The following KCNIP4 variants were observed in gnomAD, a reference collection of about 807,000 sequenced individuals.
The protein encoded by KCNIP4 is Kv channel-interacting protein 4.
A neutral mutation model predicts 34.0 loss-of-function variants in KCNIP4; 12 were observed. That is an observed-to-expected ratio of 0.35 (90% CI 0.23 to 0.57). KCNIP4 has a LOEUF of 0.57. Ranked by LOEUF, KCNIP4 falls within the 20% of genes least tolerant of loss-of-function variation. KCNIP4 has a pLI of 0.83. For missense variants in KCNIP4, 238 were observed against 311.7 expected (o/e 0.76, Z 1.78); for synonymous variants, 124 against 102.2 (o/e 1.21, Z -1.29).
chr4:21,875,972 C>T (rs968474141), intron 1 of KCNIP4, among the ~76,000 whole-genome samples: 1 of 152,104 alleles, frequency 6.6e-6, no homozygotes, highest in Non-Finnish European at 1.5e-5. Context: ...AAGGAGACTT[C>T]AGAAAAATCA....
intron 1 of KCNIP4, among the ~76,000 whole-genome samples, chr4:21,390,048 G>A (rs1447874933): frequency 1.3e-4 from 20 of 148,554 alleles, no homozygotes; most frequent in African/African-American, 4.9e-4. Flanking sequence ...TTCTCTGATG[G>A]CCAGTGATGA....
chr4:20,841,334 G>A (rs936781280), intron 3 of KCNIP4, among the ~76,000 whole-genome samples: 5 of 152,156 alleles, frequency 3.3e-5, no homozygotes, highest in Non-Finnish European at 7.4e-5. Context: ...TAAAGAAGGT[G>A]CAGCACCTGC....
At chr4:21,519,564 A>ATGTG (rs1245211490) in intron 1 of KCNIP4, among the ~76,000 whole-genome samples, 258 of 23,492 alleles carry the variant, frequency 0.011, 57 homozygotes, top group African/African-American at 0.036. Context: ...GTGTATGTGT[A>ATGTG]TATATACACA....
intron 1 of KCNIP4, among the ~76,000 whole-genome samples, chr4:21,712,411 A>G (rs1257708290): frequency 6.6e-6 from 1 of 152,102 alleles, no homozygotes. Context: ...GGGGCGAGGA[A>G]CCTCCTTCCC....
chr4:21,211,097 A>T (rs911013541), intron 1 of KCNIP4, among the ~76,000 whole-genome samples: 1 of 152,156 alleles, frequency 6.6e-6, no homozygotes. Context: ...TGGTCATGTG[A>T]TATCTTTTTC....
At chr4:20,916,247 A>G (rs972695868) in intron 1 of KCNIP4, 1 of 834,848 alleles carries the variant, frequency 1.2e-6, no homozygotes, top group Non-Finnish European at 1.4e-6. Flanking sequence ...TTTCTGCCCC[A>G]AAGAGCTCTC....
intron 1 of KCNIP4, among the ~76,000 whole-genome samples, chr4:21,720,502 G>GT (rs372420304): frequency 1.5e-3 from 212 of 137,496 alleles, no homozygotes; most frequent in African/African-American, 5.4e-3. Context: ...CGGAGCTGTT[G>GT]TTTTTTTTCC....
chr4:21,913,739 AGGAC>A (rs1350851176), intron 1 of KCNIP4, among the ~76,000 whole-genome samples: 1 of 152,186 alleles, frequency 6.6e-6, no homozygotes, highest in Non-Finnish European at 1.5e-5. Flanking sequence ...TGTGATAACA[AGGAC>A]TATTGAAAAA....
At chr4:21,519,663 T>TGTGTGTATGTATGTGTATATAC (rs1560480531) in intron 1 of KCNIP4, among the ~76,000 whole-genome samples, 8 of 118,452 alleles carry the variant, frequency 6.8e-5, no homozygotes, top group African/African-American at 1.0e-4. Flanking sequence ...TGTGTATATA[T>TGTGTGTATGTATGTGTATATAC]ACACGTGTGT....
At chr4:21,484,154 T>C (rs1731703754) in intron 1 of KCNIP4, among the ~76,000 whole-genome samples, 1 of 151,998 alleles carries the variant, frequency 6.6e-6, no homozygotes. Context: ...GGGCTGGGTG[T>C]GGTGGCTCAC....
chr4:21,517,553 G>A (rs1254902214), intron 1 of KCNIP4, among the ~76,000 whole-genome samples: 2 of 152,162 alleles, frequency 1.3e-5, no homozygotes. Flanking sequence ...ATGCTCCAAT[G>A]AATCGAGGTA....
chr4:20,803,693 G>C (rs1222644924), intron 3 of KCNIP4, among the ~76,000 whole-genome samples: 2 of 105,534 alleles, frequency 1.9e-5, no homozygotes, highest in Admixed American at 1.1e-4. Context: ...GAGAGGGAGA[G>C]AGAGAGAGAA....
At chr4:21,310,727 G>T (rs1313289600) in intron 1 of KCNIP4, among the ~76,000 whole-genome samples, 2 of 151,950 alleles carry the variant, frequency 1.3e-5, no homozygotes, top group African/African-American at 4.8e-5. Context: ...CGCCTCCGAG[G>T]TTCAAGCCAT....
chr4:21,203,297 C>T (rs1756622471), intron 1 of KCNIP4, among the ~76,000 whole-genome samples: 1 of 152,176 alleles, frequency 6.6e-6, no homozygotes, highest in African/African-American at 2.4e-5. Context: ...CTCAAAGTCA[C>T]AGTGCCCATG....
At chr4:21,304,748 T>G (rs952075359) in intron 1 of KCNIP4, 4 of 152,196 alleles carry the variant, frequency 2.6e-5, no homozygotes, top group Admixed American at 6.5e-5. Context: ...TGAGCACTAA[T>G]ATTCTGGTTT....
chr4:21,093,902 T>G (rs544351944), intron 1 of KCNIP4, among the ~76,000 whole-genome samples: 40 of 152,006 alleles, frequency 2.6e-4, no homozygotes, highest in Middle Eastern at 3.4e-3. Flanking sequence ...CTAACACGGT[T>G]AAACCCCATC....
At chr4:20,809,072 C>A (rs1436112992) in intron 3 of KCNIP4, among the ~76,000 whole-genome samples, 2 of 152,192 alleles carry the variant, frequency 1.3e-5, no homozygotes, top group African/African-American at 4.8e-5. Flanking sequence ...ATTCTCAGCA[C>A]ACCTTAAGCT....
At chr4:20,889,822 C>A (rs1725732081) in intron 1 of KCNIP4, among the ~76,000 whole-genome samples, 1 of 147,840 alleles carries the variant, frequency 6.8e-6, no homozygotes, top group Admixed American at 6.7e-5. Context: ...ATCTAGAAGT[C>A]AAACCAAACT....
intron 1 of KCNIP4, among the ~76,000 whole-genome samples, chr4:21,483,773 G>C (rs545679380): frequency 6.6e-6 from 1 of 151,880 alleles, no homozygotes; most frequent in South Asian, 2.1e-4. Flanking sequence ...CTGGGCGAAA[G>C]AGACAGACTC....
Sources: allele counts gnomAD v4.1 joint callset (sites outside exome capture counted in the v4.1 genomes callset), GRCh38; gene constraint gnomAD v4.1.1; transcripts MANE v1.5; gene names NCBI Gene and HGNC (gene_info 2026-07-23, HGNC 2026-07-21).